Variants in SLC9A8 observed in about 807,000 individuals in gnomAD.
SLC9A8 encodes the protein solute carrier family 9 member A8, also known as sodium/hydrogen exchanger 8.
Under a neutral mutation model 66.6 loss-of-function variants are expected in SLC9A8, and 48 were observed. The observed-to-expected ratio is 0.72, with a 90% CI of 0.57 to 0.92. The LOEUF is 0.92. SLC9A8 is among the 40% of genes least tolerant of loss of function. SLC9A8 has a pLI of 0.00. For synonymous variants in SLC9A8, 274 were observed against 282.6 expected (o/e 0.97, Z 0.31); for missense variants, 599 against 747.3 (o/e 0.80, Z 2.31).
At chr20:49,847,247 T>G (rs1455665161) in intron 5 of SLC9A8, among the ~76,000 whole-genome samples, 1 of 141,722 alleles carries the variant, frequency 7.1e-6, no homozygotes, top group Non-Finnish European at 1.6e-5. Context: ...TCACCATGTC[T>G]TTCCTTTCAC....
chr20:49,836,883 A>ATTCCT (rs2087557683), intron 3 of SLC9A8, among the ~76,000 whole-genome samples: 1 of 152,182 alleles, frequency 6.6e-6, no homozygotes, highest in Non-Finnish European at 1.5e-5. Context: ...AGGAAGACAA[A>ATTCCT]TCTTGGGACC....
intron 3 of SLC9A8, 102 bp from the exon 4 acceptor site, chr20:49,839,439 G>C: frequency 1.5e-6 from 1 of 679,694 alleles, no homozygotes; most frequent in Non-Finnish European, 2.5e-6. Flanking sequence ...AACCACCTTG[G>C]GCACATGTCG....
In SLC9A8 at chr20:49,890,620, G is replaced by A. The variant is rs2090020171; in HGVS notation, c.*2684G>A. ...CAGCCTGTAGTTGTTATGACCCCTC[G>A]GAACAACCACCCCGTGGCTTGTGTG... On this transcript the variant is annotated 3_prime_UTR_variant, in exon 16 of 16. Transcript: ENST00000361573. 1 of 152,194 alleles carries A rather than the reference G, an allele frequency of 6.6e-6. No homozygotes were observed. The highest frequency in any genetic ancestry group is 1.5e-5 in the Non-Finnish European group (1 of 68,088). The allele number at this position is 152,194 out of a possible 1,614,324, so 9.4% of individuals were successfully genotyped here.
chr20:49,862,689 C>T (rs547539844), intron 8 of SLC9A8, among the ~76,000 whole-genome samples: 2 of 152,262 alleles, frequency 1.3e-5, no homozygotes, highest in East Asian at 3.9e-4. Context: ...TGTTTTTCTC[C>T]CTCATTAGCC....
Position 49,886,946 on chromosome 20 carries a change from C to T in SLC9A8, c.1638+48C>T, listed in dbSNP as rs774873906. ...CTTTCTGGGGGTCCCTTGCCTGCCT[C>T]CTTCAGGACCTGCGGTGGCCCAGGG... On this transcript the variant is annotated intron_variant, in intron 15 of 15. Coordinates refer to ENST00000361573, the MANE Select transcript of SLC9A8 (RefSeq NM_015266.3). This position sits in a 1 kb window ranked among gnomAD's most constrained non-coding sequence, Gnocchi z 4.8. The T allele has an allele frequency of 1.3e-5, 21 of 1,574,794 alleles. No individual in the cohort carries two copies. The East Asian group carries it at 3.4e-4, about 26-fold the overall frequency.
At chr20:49,867,744 A>G (rs1014884861) in intron 10 of SLC9A8, among the ~76,000 whole-genome samples, 1 of 152,184 alleles carries the variant, frequency 6.6e-6, no homozygotes, top group African/African-American at 2.4e-5. Flanking sequence ...GTCCCATGTC[A>G]GAAAATAGTT....
chr20:49,861,589 G>T (rs987458328), intron 8 of SLC9A8, among the ~76,000 whole-genome samples: 2 of 152,078 alleles, frequency 1.3e-5, no homozygotes, highest in Admixed American at 6.6e-5. Context: ...TGGACAACGG[G>T]GTTGGTCTGT....
intron 15 of SLC9A8, 134 bp downstream of exon 15, chr20:49,887,032 C>G (rs2089917760): frequency 4.2e-6 from 4 of 946,702 alleles, no homozygotes; most frequent in Non-Finnish European, 6.2e-6. Context: ...GCCGCCGCCT[C>G]CCGATCTGGA....
chr20:49,874,619 C>G (rs747876461), intron 10 of SLC9A8, 86 bp from the exon 11 acceptor site: 71 of 871,426 alleles, frequency 8.1e-5, no homozygotes, highest in Non-Finnish European at 1.2e-4. Flanking sequence ...CTCTAATGCT[C>G]TAGGCCCCAG....
intron 3 of SLC9A8, among the ~76,000 whole-genome samples, chr20:49,834,405 GT>G (rs2087418402): frequency 1.7e-4 from 7 of 40,868 alleles, no homozygotes; most frequent in South Asian, 6.3e-4. Flanking sequence ...TATATACTGT[GT>G]ATATATATAT....
chr20:49,845,936 G>C (rs936610333), intron 5 of SLC9A8, among the ~76,000 whole-genome samples: 8 of 152,172 alleles, frequency 5.3e-5, no homozygotes, highest in Non-Finnish European at 2.9e-5. Context: ...GTGGGTTCAA[G>C]TGATTCTTCT....
At position 49,855,538 on chromosome 20, in the gene SLC9A8, G is replaced by A. The variant is rs2088438053; in HGVS notation, c.670G>A (p.Gly224Arg). Residue 224 changes from glycine (G) to arginine (R), a missense_variant, in exon 8 of 16, where the codon GGA (glycine) becomes AGA (arginine). By Grantham distance (125) the Gly-to-Arg change is moderately radical. Coordinates refer to ENST00000361573, the MANE Select transcript of SLC9A8 (RefSeq NM_015266.3). ...CCCCGTGCTCAACATGCTGGTCTTTGGAGAAAGTATTCTCAACGATGCAGT... is the reference window on the plus strand; with the variant it reads ...CCCCGTGCTCAACATGCTGGTCTTTAGAGAAAGTATTCTCAACGATGCAGT... Reference protein sequence around the residue: ...VDPVLNMLVFGESILNDAVSI... With the variant: ...VDPVLNMLVFRESILNDAVSI... The A allele has an allele frequency of 6.2e-7, 1 of 1,613,990 alleles. No individual in the cohort carries two copies. Among genetic ancestry groups the A allele is most frequent in the South Asian group, 1.1e-5 (1 of 91,092 alleles).
rs1471540474 is a variant in SLC9A8, at chr20:49,834,181, CTCTCTATA to C, written c.290-5358_290-5351del. ...TCTCTCTCTCTCTCTCTCTCTCTCTCTCTCTATATATATATATATATATATATATATAT... is the reference window on the plus strand; with the variant it reads ...TCTCTCTCTCTCTCTCTCTCTCTCTCTATATATATATATATATATATATAT... On this transcript the variant is annotated intron_variant, in intron 3 of 15. Coordinates refer to ENST00000361573, the MANE Select transcript of SLC9A8 (RefSeq NM_015266.3). Among the ~76,000 whole-genome samples the C allele has an allele frequency of 8.1e-3, 375 of 46,086 alleles. 1 individual carries two copies. Among genetic ancestry groups the C allele is most frequent in the African/African-American group, 9.8e-3 (102 of 10,372 alleles). 30.2% of individuals were successfully genotyped at this position (46,086 alleles called of 152,430 possible).
At chr20:49,865,503 G>A (rs1250911116) in intron 10 of SLC9A8, among the ~76,000 whole-genome samples, 1 of 152,180 alleles carries the variant, frequency 6.6e-6, no homozygotes, top group Non-Finnish European at 1.5e-5. Flanking sequence ...GTGGTAGTGA[G>A]ATTGACAGTG....
At position 49,858,107 on chromosome 20, in the gene SLC9A8, T is replaced by C. The variant is rs1187867062; in HGVS notation, c.713+2526T>C. Reference sequence around the variant, plus strand: ...TTCAATAGGCTTATACCCCAAATATTGTACTCTATTTTCCATTGAACACAA... The same window carrying C: ...TTCAATAGGCTTATACCCCAAATATCGTACTCTATTTTCCATTGAACACAA... On this transcript the variant is annotated intron_variant, in intron 8 of 15. Transcript: ENST00000361573. 3.9e-5 allele frequency among the ~76,000 whole-genome samples: 6 copies of C among 152,210 alleles called. No homozygotes were observed. The East Asian group carries it at 1.2e-3, about 29-fold the overall frequency.
At chr20:49,884,361 G>A (rs2089814793) in intron 14 of SLC9A8, among the ~76,000 whole-genome samples, 1 of 127,522 alleles carries the variant, frequency 7.8e-6, no homozygotes, top group African/African-American at 2.9e-5. Flanking sequence ...CCCCTGAGAA[G>A]GAGGTGACGG....
intron 3 of SLC9A8, among the ~76,000 whole-genome samples, chr20:49,837,493 A>T (rs1351093800): frequency 6.6e-6 from 1 of 152,098 alleles, no homozygotes. Flanking sequence ...ACATCTTTTC[A>T]TGTGTTTCTC....
At chr20:49,853,966 A>T (rs1396577872) in intron 7 of SLC9A8, among the ~76,000 whole-genome samples, 1 of 152,050 alleles carries the variant, frequency 6.6e-6, no homozygotes, top group East Asian at 1.9e-4. Flanking sequence ...CCTCTCCCTG[A>T]CCCTGCAGCC....
intron 3 of SLC9A8, 95 bp downstream of exon 3, chr20:49,823,236 C>A (rs2146468962): frequency 2.2e-6 from 2 of 905,932 alleles, no homozygotes; most frequent in Non-Finnish European, 3.7e-6. Context: ...AGAGATGCAT[C>A]ACATCCCTGA....
Sources: allele counts gnomAD v4.1 joint callset (sites outside exome capture counted in the v4.1 genomes callset), GRCh38; gene constraint gnomAD v4.1.1; non-coding constraint Gnocchi (gnomAD v3.1); transcripts MANE v1.5; gene names NCBI Gene and HGNC (gene_info 2026-07-23, HGNC 2026-07-21).